Variants in GOPC observed in about 807,000 individuals in gnomAD.
GOPC encodes Golgi-associated PDZ and coiled-coil motif-containing protein.
GOPC carries 32 observed loss-of-function variants against 51.2 expected under a neutral mutation model. The ratio of observed to expected loss-of-function variants is 0.63; its 90% CI spans 0.47 to 0.84. GOPC has a LOEUF of 0.84. Ranked by LOEUF, GOPC falls within the 40% of genes least tolerant of loss-of-function variation. The pLI, the probability that GOPC is intolerant of heterozygous loss-of-function variation, is 0.00. For missense variants in GOPC, 441 were observed against 555.5 expected, an observed-to-expected ratio of 0.79 and a Z score of 2.07; for synonymous variants, 190 against 205.1, an observed-to-expected ratio of 0.93 and a Z score of 0.63.
At chr6:117,575,115 T>C (rs1298319872) in intron 4 of GOPC, 62 bp downstream of exon 4, 5 of 1,252,480 alleles carry the variant, frequency 4.0e-6, no homozygotes, top group South Asian at 2.8e-5. Context: ...GAAGTAAGAG[T>C]CAACCTCATT....
intron 8 of GOPC, 148 bp from the exon 9 acceptor site, chr6:117,563,532 G>A (rs1779630494): frequency 4.4e-6 from 3 of 674,582 alleles, no homozygotes; most frequent in African/African-American, 1.8e-5. Flanking sequence ...GACCAGCCTG[G>A]ACAATGTGGT....
chr6:117,592,921 C>T (rs1439591409), intron 1 of GOPC, among the ~76,000 whole-genome samples: 2 of 152,156 alleles, frequency 1.3e-5, no homozygotes, highest in African/African-American at 4.8e-5. Flanking sequence ...TTTTCATCAG[C>T]CCCATTACCA....
rs1779896986 is a variant in GOPC, at chr6:117,577,302, G to A, written c.474+146C>T. ...AGAAAAGAGCAATGGGCCATCCACT[G>A]AACTTTTCAGGTACTGGAACATTAA... On this transcript the variant is annotated intron_variant, in intron 3 of 8. Transcript: ENST00000368498. 3 of 690,988 alleles carry A rather than the reference G, an allele frequency of 4.3e-6. 1 individual carries two copies. The East Asian group carries it at 8.7e-5, about 20-fold the overall frequency. The allele number at this position is 690,988 out of a possible 1,614,324, so 42.8% of individuals were successfully genotyped here.
At chr6:117,573,240 C>T (rs188824816) in intron 5 of GOPC, among the ~76,000 whole-genome samples, 11 of 152,330 alleles carry the variant, frequency 7.2e-5, no homozygotes, top group African/African-American at 2.6e-4. Context: ...CATTTGCTAA[C>T]AATGGCTCAC....
At chr6:117,582,412 C>T (rs1779973624) in intron 1 of GOPC, among the ~76,000 whole-genome samples, 1 of 151,680 alleles carries the variant, frequency 6.6e-6, no homozygotes, top group African/African-American at 2.4e-5. Flanking sequence ...GTGAGAACTT[C>T]CATCCCTGTG....
chr6:117,602,378 C>A lies in GOPC; in HGVS notation c.-90G>T. On this transcript the variant is annotated 5_prime_UTR_variant, in exon 1 of 9. Coordinates refer to ENST00000368498, the MANE Select transcript of GOPC (RefSeq NM_020399.4). The stretch of plus-strand genomic sequence containing the variant: ...TGCTGGGACTGAGGGGACCCCCGCG[C>A]GCGCGGGCACACTCCGTCACCTCCC... The A allele has an allele frequency of 7.6e-7, 1 of 1,307,646 alleles. No homozygotes were observed. The highest frequency in any genetic ancestry group is 1.0e-6 in the Non-Finnish European group (1 of 981,660). The allele number at this position is 1,307,646 out of a possible 1,614,324, so 81.0% of individuals were successfully genotyped here.
chr6:117,568,953 C>T (rs1008281432), intron 7 of GOPC, among the ~76,000 whole-genome samples: 1 of 152,154 alleles, frequency 6.6e-6, no homozygotes, highest in Non-Finnish European at 1.5e-5. Context: ...CCTCTAATTC[C>T]CTCAACTCTA....
chr6:117,562,568 CAAAA>C lies in GOPC; in HGVS notation c.*682_*685del, dbSNP rs909757358. On this transcript the variant is annotated 3_prime_UTR_variant, in exon 9 of 9. Coordinates refer to ENST00000368498, the MANE Select transcript of GOPC (RefSeq NM_020399.4). ...ACTCATCTGCATTTCTTTTAAAAAA[CAAAA>C]AAAGTAAAATGTTTAGTAACTTTTG... 9.9e-6 allele frequency: 2 copies of C among 202,248 alleles called. No homozygotes were observed. Among genetic ancestry groups the C allele is most frequent in the Admixed American group, 6.0e-5 (1 of 16,666 alleles). 12.5% of individuals were successfully genotyped at this position (202,248 alleles called of 1,614,324 possible).
intron 1 of GOPC, among the ~76,000 whole-genome samples, chr6:117,590,864 G>T (rs118072307): frequency 0.016 from 2,361 of 151,952 alleles, 75 homozygotes; most frequent in African/African-American, 0.054. Flanking sequence ...GTTTTGTTTT[G>T]TTTTTTGAGA....
At chr6:117,595,142 T>C (rs928867006) in intron 1 of GOPC, among the ~76,000 whole-genome samples, 5 of 152,196 alleles carry the variant, frequency 3.3e-5, no homozygotes, top group Non-Finnish European at 1.5e-5. Flanking sequence ...TGATAAGAAT[T>C]CTCATTGGTT....
chr6:117,569,943 A>C (rs1256901554), intron 6 of GOPC: 2 of 483,360 alleles, frequency 4.1e-6, no homozygotes, highest in Non-Finnish European at 6.6e-6. Context: ...TCTTAAATTA[A>C]AAAAAACTTA....
At chr6:117,575,054 G>A (rs535292687) in intron 4 of GOPC, 123 bp downstream of exon 4, 5 of 707,208 alleles carry the variant, frequency 7.1e-6, no homozygotes, top group Admixed American at 3.2e-5. Context: ...ACTCCAGCCT[G>A]GGCAACAGAG....
intron 1 of GOPC, among the ~76,000 whole-genome samples, chr6:117,585,071 A>G (rs1401803066): frequency 6.6e-6 from 1 of 152,176 alleles, no homozygotes; most frequent in East Asian, 1.9e-4. Context: ...TAGTGACACA[A>G]AAACAAATTA....
chr6:117,570,231 A>G (rs548922934), intron 6 of GOPC, among the ~76,000 whole-genome samples: 2 of 145,324 alleles, frequency 1.4e-5, no homozygotes, highest in East Asian at 3.9e-4. Context: ...TGAAGGCAGC[A>G]CATAAAAAAA....
At chr6:117,579,878 T>C (rs1035919726) in intron 1 of GOPC, among the ~76,000 whole-genome samples, 8 of 152,080 alleles carry the variant, frequency 5.3e-5, no homozygotes, top group African/African-American at 1.9e-4. Flanking sequence ...TTAAAAATCA[T>C]AGATCATAAT....
chr6:117,569,534 T>A, intron 7 of GOPC, 38 bp downstream of exon 7: 2 of 1,605,168 alleles, frequency 1.2e-6, no homozygotes, highest in Non-Finnish European at 1.7e-6. Context: ...TCATAACCAA[T>A]TGATAGATCC....
intron 5 of GOPC, among the ~76,000 whole-genome samples, chr6:117,571,797 C>G (rs542546631): frequency 1.3e-5 from 2 of 152,208 alleles, no homozygotes; most frequent in South Asian, 4.1e-4. Flanking sequence ...TTCAAACTTG[C>G]AGAAAGTTGA....
chr6:117,575,797 T>C (rs1295317051), intron 3 of GOPC, among the ~76,000 whole-genome samples: 1 of 152,198 alleles, frequency 6.6e-6, no homozygotes, highest in East Asian at 1.9e-4. Context: ...CCACAAATCC[T>C]ATGAAAACAT....
intron 1 of GOPC, among the ~76,000 whole-genome samples, chr6:117,593,954 T>C (rs1403032086): frequency 1.3e-5 from 2 of 152,156 alleles, no homozygotes; most frequent in African/African-American, 2.4e-5. Flanking sequence ...TAATCTCACA[T>C]AAACAGAAAC....
Sources: allele counts gnomAD v4.1 joint callset (sites outside exome capture counted in the v4.1 genomes callset), GRCh38; gene constraint gnomAD v4.1.1; transcripts MANE v1.5; gene names NCBI Gene and HGNC (gene_info 2026-07-23, HGNC 2026-07-21).